The following UGT1A9 variants were observed in gnomAD, a reference collection of about 807,000 sequenced individuals.
UGT1A9 encodes UDP-glucuronosyltransferase 1A9.
Under a neutral mutation model 45.0 loss-of-function variants are expected in UGT1A9, and 35 were observed. The observed-to-expected ratio is 0.78, with a 90% CI of 0.59 to 1.03. The LOEUF (loss-of-function observed/expected upper bound fraction) is 1.03. UGT1A9 is among the 50% of genes least tolerant of loss of function. UGT1A9 has a pLI of 0.00. For synonymous variants in UGT1A9, 278 were observed against 250.6 expected (o/e 1.11, Z -1.03); for missense variants, 687 against 666.6 (o/e 1.03, Z -0.34).
chr2:233,713,263 G>T, intron 1 of UGT1A9: 1 of 1,614,196 alleles, frequency 6.2e-7, no homozygotes, highest in Non-Finnish European at 8.5e-7. Context: ...GAATTTGATC[G>T]CCTTTTGCTG....
intron 1 of UGT1A9, among the ~76,000 whole-genome samples, chr2:233,724,625 A>C: frequency 7.3e-6 from 1 of 136,298 alleles, no homozygotes; most frequent in Non-Finnish European, 1.6e-5. Flanking sequence ...GACGCTCCTC[A>C]CTTCCTAGAT....
chr2:233,759,959 G>A (rs149939396), intron 1 of UGT1A9, among the ~76,000 whole-genome samples: 41 of 152,230 alleles, frequency 2.7e-4, no homozygotes, highest in African/African-American at 8.9e-4. Context: ...CTACATAGTC[G>A]TCCTTCTTCC....
chr2:233,769,856 T>TAAA lies in UGT1A9; in HGVS notation c.1295+1417_1295+1418insAAA. ...CTGGGCAACAGAGTGAGACCCTGTCTCAAAAAAAAAAAAAAAAATGAAAAG... is the reference window on the plus strand; with the variant it reads ...CTGGGCAACAGAGTGAGACCCTGTCTAAACAAAAAAAAAAAAAAAAATGAAAAG... On this transcript the variant is annotated intron_variant, in intron 4 of 4. Transcript: ENST00000354728. This position sits in a 1 kb window ranked among gnomAD's most constrained non-coding sequence, Gnocchi z 4.4. 1 of 322,430 alleles carries TAAA rather than the reference T, an allele frequency of 3.1e-6. No individual in the cohort carries two copies. The highest frequency in any genetic ancestry group is 5.0e-6 in the Non-Finnish European group (1 of 199,342). 20.0% of individuals were successfully genotyped at this position (322,430 alleles called of 1,614,324 possible).
intron 1 of UGT1A9, among the ~76,000 whole-genome samples, chr2:233,737,541 G>A (rs576280713): frequency 6.6e-6 from 1 of 152,104 alleles, no homozygotes; most frequent in African/African-American, 2.4e-5. Flanking sequence ...GCCCTGCTTC[G>A]GCTTGCCCTC....
chr2:233,714,694 G>A (rs187411884), intron 1 of UGT1A9, among the ~76,000 whole-genome samples: 374 of 152,256 alleles, frequency 2.5e-3, no homozygotes, highest in Non-Finnish European at 4.0e-3. Flanking sequence ...TTCAACATGT[G>A]AACTGTTTAA....
At chr2:233,758,212 G>A (rs377480824) in intron 1 of UGT1A9, among the ~76,000 whole-genome samples, 4 of 152,326 alleles carry the variant, frequency 2.6e-5, no homozygotes, top group African/African-American at 9.6e-5. Context: ...GTTCTCTGTT[G>A]TAATTCATGA....
chr2:233,709,499 C>T (rs1449050951), intron 1 of UGT1A9, among the ~76,000 whole-genome samples: 1 of 152,092 alleles, frequency 6.6e-6, no homozygotes, highest in Non-Finnish European at 1.5e-5. Flanking sequence ...GAAGTCTCTG[C>T]CTCTTGCTCT....
At chr2:233,715,655 C>T (rs2076462877) in intron 1 of UGT1A9, among the ~76,000 whole-genome samples, 1 of 152,008 alleles carries the variant, frequency 6.6e-6, no homozygotes, top group Non-Finnish European at 1.5e-5. Context: ...ACCTGTGGTC[C>T]CAGCTACTCG....
At chr2:233,682,755 G>A (rs773040250) in intron 1 of UGT1A9, 2 of 1,613,724 alleles carry the variant, frequency 1.2e-6, no homozygotes, top group Admixed American at 1.7e-5. Flanking sequence ...ATCTTCATTG[G>A]TGGTATCAAC....
At chr2:233,741,527 G>A (rs1192386842) in intron 1 of UGT1A9, 5 of 151,902 alleles carry the variant, frequency 3.3e-5, no homozygotes, top group Non-Finnish European at 5.9e-5. Flanking sequence ...TTAACAGTCT[G>A]TCTTATTCTG....
In UGT1A9 at chr2:233,761,168, G is replaced by T. The variant is rs747133515; in HGVS notation, c.856-5866G>T. 6 of 1,614,050 alleles carry T rather than the reference G, an allele frequency of 3.7e-6. No individual in the cohort carries two copies. In the African/African-American group the frequency reaches 8.0e-5, roughly 22 times the overall value. On this transcript the variant is annotated intron_variant, in intron 1 of 4. Transcript: ENST00000354728. ...CTATCCCAGGTGTGTATTGGAGTGG[G>T]ACTTTTACATGCGTATATTCTTTCA...
At chr2:233,690,017 C>A (rs2074971660) in intron 1 of UGT1A9, 1 of 439,614 alleles carries the variant, frequency 2.3e-6, no homozygotes, top group Non-Finnish European at 4.5e-6. Context: ...CATTTTGGAC[C>A]TTCCTCAAGA....
At chr2:233,720,981 G>A (rs746699495) in intron 1 of UGT1A9, among the ~76,000 whole-genome samples, 2 of 151,748 alleles carry the variant, frequency 1.3e-5, no homozygotes, top group Non-Finnish European at 2.9e-5. Flanking sequence ...AAAGTGCTGG[G>A]ATTACAGGCA....
At chr2:233,735,161 A>C (rs139257330) in intron 1 of UGT1A9, among the ~76,000 whole-genome samples, 2,795 of 152,264 alleles carry the variant, frequency 0.018, 41 homozygotes, top group Non-Finnish European at 0.028. Context: ...GTCTCTGTGT[A>C]GGTCTCTAAG....
intron 1 of UGT1A9, chr2:233,681,993 C>T: frequency 6.2e-7 from 1 of 1,614,172 alleles, no homozygotes; most frequent in South Asian, 1.1e-5. Flanking sequence ...CTACTGCTGA[C>T]CTGTGGCTTT....
At chr2:233,701,642 G>C (rs376187281) in intron 1 of UGT1A9, among the ~76,000 whole-genome samples, 7 of 152,306 alleles carry the variant, frequency 4.6e-5, no homozygotes, top group Admixed American at 2.6e-4. Flanking sequence ...ATAGCAAACT[G>C]TCTCTCAGAC....
At chr2:233,739,962 A>G (rs1691266437) in intron 1 of UGT1A9, among the ~76,000 whole-genome samples, 1 of 151,874 alleles carries the variant, frequency 6.6e-6, no homozygotes, top group Non-Finnish European at 1.5e-5. Flanking sequence ...AGCTGATTGA[A>G]TCATATCGGC....
intron 1 of UGT1A9, among the ~76,000 whole-genome samples, chr2:233,701,290 G>C (rs1052682506): frequency 2.0e-5 from 3 of 151,970 alleles, no homozygotes; most frequent in Non-Finnish European, 4.4e-5. Context: ...TTGAGGAATC[G>C]CCACACTGTC....
At chr2:233,759,130 A>T (rs1697062304) in intron 1 of UGT1A9, among the ~76,000 whole-genome samples, 1 of 152,244 alleles carries the variant, frequency 6.6e-6, no homozygotes, top group Non-Finnish European at 1.5e-5. Flanking sequence ...AGCCTCTGGT[A>T]CGCAATGAAG....
Sources: allele counts gnomAD v4.1 joint callset (sites outside exome capture counted in the v4.1 genomes callset), GRCh38; gene constraint gnomAD v4.1.1; non-coding constraint Gnocchi (gnomAD v3.1); transcripts MANE v1.5; gene names NCBI Gene and HGNC (gene_info 2026-07-23, HGNC 2026-07-21).